TM9SF2: variants seen among roughly 807,000 people sequenced by gnomAD.
TM9SF2 encodes the protein transmembrane 9 superfamily member 2.
In TM9SF2, 13 loss-of-function variants were observed where a neutral mutation model predicts 84.9. The ratio of observed to expected loss-of-function variants is 0.15; its 90% confidence interval spans 0.10 to 0.24. TM9SF2 has a LOEUF of 0.24. Among genes scored for constraint, TM9SF2 ranks in the 10% least tolerant of loss-of-function variants. The pLI, the probability that TM9SF2 is intolerant of heterozygous loss-of-function variation, is 1.00. For missense variants in TM9SF2, 562 were observed against 818.5 expected (o/e 0.69, Z 3.82); for synonymous variants, 273 against 285.8 (o/e 0.96, Z 0.45).
At chr13:99,513,928 G>A (rs939715874) in intron 1 of TM9SF2, among the ~76,000 whole-genome samples, 1 of 152,116 alleles carries the variant, frequency 6.6e-6, no homozygotes, top group African/African-American at 2.4e-5. Flanking sequence ...ATTACTCTCT[G>A]GCCCTTTACA....
chr13:99,527,857 C>G (rs953891984), intron 3 of TM9SF2, among the ~76,000 whole-genome samples: 7 of 152,226 alleles, frequency 4.6e-5, no homozygotes, highest in Non-Finnish European at 8.8e-5. Flanking sequence ...AAGGCAGTTA[C>G]TGCGCCCATT....
intron 1 of TM9SF2, among the ~76,000 whole-genome samples, chr13:99,516,848 T>C (rs546072349): frequency 7.2e-5 from 11 of 152,332 alleles, no homozygotes; most frequent in African/African-American, 9.6e-5. Context: ...ATTTCCAGTA[T>C]AGTTAATCTA....
At chr13:99,543,639 C>G (rs9557253) in intron 9 of TM9SF2, among the ~76,000 whole-genome samples, 15,590 of 152,126 alleles carry the variant, frequency 0.1, 1,557 homozygotes, top group East Asian at 0.52. Context: ...TATTTGTAGA[C>G]CTTAATGTCA....
chr13:99,563,908 C>T lies in TM9SF2; in HGVS notation c.*1150C>T, dbSNP rs780226050. ...GGGGTGATTCTGAAGTATCGGTCTG[C>T]TTGTATCTGTGAGCATATTCATTTG... On this transcript the variant is annotated 3_prime_UTR_variant, in exon 17 of 17. Coordinates refer to ENST00000376387, the MANE Select transcript of TM9SF2 (RefSeq NM_004800.3). The T allele has an allele frequency of 3.9e-5, 6 of 152,092 alleles. No individual in the cohort carries two copies. The highest frequency in any genetic ancestry group is 2.6e-4 in the Admixed American group (4 of 15,254). 9.4% of individuals were successfully genotyped at this position (152,092 alleles called of 1,614,324 possible).
intron 15 of TM9SF2, among the ~76,000 whole-genome samples, chr13:99,555,968 A>C (rs2046323243): frequency 6.6e-6 from 1 of 152,150 alleles, no homozygotes; most frequent in Non-Finnish European, 1.5e-5. Context: ...TGCCTGAGAT[A>C]AAAGAATATA....
At chr13:99,555,988 A>G (rs557191318) in intron 15 of TM9SF2, among the ~76,000 whole-genome samples, 1 of 152,238 alleles carries the variant, frequency 6.6e-6, no homozygotes, top group Admixed American at 6.5e-5. Context: ...AAAATAATCT[A>G]TTAAAAAATA....
chr13:99,503,687 G>T (rs893179621), intron 1 of TM9SF2, among the ~76,000 whole-genome samples: 1 of 134,080 alleles, frequency 7.5e-6, no homozygotes, highest in Non-Finnish European at 1.5e-5. Context: ...TCCAGCCTGG[G>T]CAACAGAGCG....
intron 3 of TM9SF2, among the ~76,000 whole-genome samples, chr13:99,526,372 CA>C (rs1478509071): frequency 6.6e-6 from 1 of 152,140 alleles, no homozygotes; most frequent in Non-Finnish European, 1.5e-5. Context: ...GAGAAGAACA[CA>C]GGATGTGAGG....
At chr13:99,560,142 A>G (rs2046338272) in intron 16 of TM9SF2, among the ~76,000 whole-genome samples, 1 of 152,184 alleles carries the variant, frequency 6.6e-6, no homozygotes, top group African/African-American at 2.4e-5. Flanking sequence ...CGCGTGAGTG[A>G]CTGAACTTAG....
intron 5 of TM9SF2, among the ~76,000 whole-genome samples, chr13:99,536,980 G>A (rs1036450827): frequency 2.0e-5 from 3 of 152,040 alleles, no homozygotes; most frequent in South Asian, 2.1e-4. Context: ...TAAATGCTAT[G>A]GTAAGGTCTA....
chr13:99,554,729 A>G (rs955160131), intron 14 of TM9SF2, among the ~76,000 whole-genome samples: 1 of 152,182 alleles, frequency 6.6e-6, no homozygotes, highest in African/African-American at 2.4e-5. Flanking sequence ...TGTTATCCCC[A>G]TTTTACAGAG....
chr13:99,532,476 G>A (rs1004933890), intron 4 of TM9SF2, among the ~76,000 whole-genome samples: 2 of 152,004 alleles, frequency 1.3e-5, no homozygotes, highest in Non-Finnish European at 2.9e-5. Flanking sequence ...GATCACCTGA[G>A]GCCAGGAGTT....
intron 1 of TM9SF2, among the ~76,000 whole-genome samples, chr13:99,515,403 G>C (rs943808016): frequency 6.6e-6 from 1 of 152,234 alleles, no homozygotes; most frequent in African/African-American, 2.4e-5. Flanking sequence ...GTTAATTCAA[G>C]CATGCTGTAT....
intron 1 of TM9SF2, among the ~76,000 whole-genome samples, chr13:99,507,498 C>A (rs1222587918): frequency 6.6e-6 from 1 of 152,070 alleles, no homozygotes; most frequent in East Asian, 1.9e-4. Context: ...TTACTTCTTT[C>A]GTTGATATAG....
At chr13:99,541,691 T>TA in intron 9 of TM9SF2, 24 bp downstream of exon 9, 1 of 1,503,572 alleles carries the variant, frequency 6.7e-7, no homozygotes, top group Non-Finnish European at 9.2e-7. Context: ...TTTTAGTCTT[T>TA]AGTCTGCCAA....
intron 12 of TM9SF2, among the ~76,000 whole-genome samples, chr13:99,549,957 AT>A (rs2046298888): frequency 6.6e-6 from 1 of 152,222 alleles, no homozygotes. Context: ...TCCACCGAAG[AT>A]TCACATTCTT....
At chr13:99,501,957 G>A (rs2046068238) in intron 1 of TM9SF2, among the ~76,000 whole-genome samples, 180 bp downstream of exon 1, 1 of 152,176 alleles carries the variant, frequency 6.6e-6, no homozygotes, top group Admixed American at 6.5e-5. Flanking sequence ...AACAGCCCTT[G>A]CAAGGGTAGT....
At chr13:99,523,582 G>A (rs1039967664) in intron 3 of TM9SF2, among the ~76,000 whole-genome samples, 8 of 152,218 alleles carry the variant, frequency 5.3e-5, no homozygotes, top group Non-Finnish European at 1.0e-4. Context: ...GACATTGTGT[G>A]TATTATGTGA....
At chr13:99,516,586 C>T (rs1292517600) in intron 1 of TM9SF2, among the ~76,000 whole-genome samples, 1 of 152,170 alleles carries the variant, frequency 6.6e-6, no homozygotes, top group African/African-American at 2.4e-5. Context: ...AGGACTTCAG[C>T]TACACCTGGG....
Sources: gnomAD v4.1 joint callset for allele counts (sites outside exome capture counted in the v4.1 genomes callset) on GRCh38, gnomAD v4.1.1 for gene constraint, MANE v1.5 for transcripts, NCBI Gene and HGNC (gene_info 2026-07-23, HGNC 2026-07-21) for gene names.